FAM228B: variants seen among roughly 807,000 people sequenced by gnomAD.
FAM228B encodes protein FAM228B.
FAM228B carries 38 observed loss-of-function variants against 42.6 expected under a neutral mutation model. The observed-to-expected ratio is 0.89, with a 90% CI of 0.69 to 1.17. The LOEUF is 1.17. FAM228B is among the 50% of genes most tolerant of loss of function. The pLI is 0.00. For synonymous variants in FAM228B, 109 were observed against 122.3 expected (o/e 0.89, Z 0.72); for missense variants, 344 against 367.3 (o/e 0.94, Z 0.52).
At chr2:24,136,616 GCCT>G (rs1298025176) in intron 3 of FAM228B, among the ~76,000 whole-genome samples, 1 of 152,114 alleles carries the variant, frequency 6.6e-6, no homozygotes, top group Admixed American at 6.6e-5. Context: ...TCCTGCCTTG[GCCT>G]CCTGAAATGC....
At chr2:24,129,953 C>T (rs966349838) in intron 2 of FAM228B, among the ~76,000 whole-genome samples, 1 of 131,898 alleles carries the variant, frequency 7.6e-6, no homozygotes, top group South Asian at 2.8e-4. Context: ...TCCTAATGCT[C>T]ACCTCCCCTC....
intron 3 of FAM228B, among the ~76,000 whole-genome samples, chr2:24,106,474 T>C (rs6738676): frequency 0.12 from 18,026 of 151,646 alleles, 1,250 homozygotes; most frequent in South Asian, 0.18. Flanking sequence ...CACCCGCCAC[T>C]ATGACCAGCT....
At chr2:24,087,754 G>A (rs1665294517) in intron 2 of FAM228B, among the ~76,000 whole-genome samples, 1 of 151,324 alleles carries the variant, frequency 6.6e-6, no homozygotes. Flanking sequence ...GGGACTACAG[G>A]TGTGAGCCAC....
intron 2 of FAM228B, among the ~76,000 whole-genome samples, chr2:24,090,872 C>A (rs930145878): frequency 6.6e-6 from 1 of 152,110 alleles, no homozygotes; most frequent in African/African-American, 2.4e-5. Context: ...CTCACTGCAG[C>A]CTTGATATGG....
chr2:24,106,761 T>G (rs1182973931), intron 3 of FAM228B, among the ~76,000 whole-genome samples: 1 of 152,108 alleles, frequency 6.6e-6, no homozygotes, highest in Admixed American at 6.5e-5. Flanking sequence ...AGATCTGCCT[T>G]ATGAGCAGTC....
At chr2:24,121,172 A>G, upstream of FAM228B, 1 of 1,614,006 alleles carries the variant, frequency 6.2e-7, no homozygotes, top group Non-Finnish European at 8.5e-7. Context: ...CATTTTTGGC[A>G]TAAAGAGAAT....
chr2:24,082,716 A>G (rs1665058917), intron 2 of FAM228B, among the ~76,000 whole-genome samples: 1 of 152,182 alleles, frequency 6.6e-6, no homozygotes, highest in African/African-American at 2.4e-5. Context: ...TCTGCTAACC[A>G]TGATTCTCAG....
intron 2 of FAM228B, chr2:24,083,139 T>C: frequency 6.2e-7 from 1 of 1,611,068 alleles, no homozygotes; most frequent in South Asian, 1.1e-5. Flanking sequence ...AGGTGGGTCA[T>C]ACTGGCCTTG....
chr2:24,086,577 G>T (rs1289837423), intron 2 of FAM228B, among the ~76,000 whole-genome samples: 5 of 150,782 alleles, frequency 3.3e-5, no homozygotes, highest in Non-Finnish European at 7.4e-5. Context: ...TGTTGCCCAG[G>T]CTGGTCTCAA....
intron 3 of FAM228B, among the ~76,000 whole-genome samples, chr2:24,136,048 C>A (rs561863012): frequency 7.2e-4 from 89 of 124,258 alleles, no homozygotes; most frequent in African/African-American, 1.9e-3. Context: ...TCCTGGATAA[C>A]CCTTCTTTTT....
intron 2 of FAM228B, chr2:24,085,033 A>C (rs1009508549): frequency 6.6e-6 from 1 of 152,172 alleles, no homozygotes; most frequent in Admixed American, 6.5e-5. Flanking sequence ...TCTAGCTCTC[A>C]CTTCAAGGAG....
intron 3 of FAM228B, among the ~76,000 whole-genome samples, chr2:24,104,045 A>G (rs190205123): frequency 1.2e-3 from 181 of 152,330 alleles, no homozygotes; most frequent in African/African-American, 4.2e-3. Context: ...ACTGAGCTGC[A>G]GGCCGATCAT....
intron 7 of FAM228B, among the ~76,000 whole-genome samples, chr2:24,153,515 G>A (rs546946217): frequency 1.5e-3 from 221 of 152,314 alleles, no homozygotes; most frequent in Non-Finnish European, 2.7e-3. Context: ...AATGGGGACC[G>A]CAGGACCCTG....
At chr2:24,079,692 T>C (rs1664917301) in intron 1 of FAM228B, 1 of 1,548,050 alleles carries the variant, frequency 6.5e-7, no homozygotes, top group African/African-American at 1.4e-5. Flanking sequence ...CTAAATAAGA[T>C]ACCATGGTAT....
intron 3 of FAM228B, chr2:24,115,640 T>A (rs745507278): frequency 1.1e-5 from 17 of 1,607,486 alleles, no homozygotes; most frequent in Non-Finnish European, 1.4e-5. Flanking sequence ...TGGTTATTAT[T>A]TATGAGCTGC....
At chr2:24,078,533 G>C (rs1307241705) in intron 1 of FAM228B, among the ~76,000 whole-genome samples, 1 of 150,828 alleles carries the variant, frequency 6.6e-6, no homozygotes, top group African/African-American at 2.4e-5. Flanking sequence ...CAATCTGCTG[G>C]TATCAATTTG....
intron 5 of FAM228B, among the ~76,000 whole-genome samples, chr2:24,146,255 A>G (rs1293623788): frequency 6.6e-6 from 1 of 152,200 alleles, no homozygotes; most frequent in Middle Eastern, 3.2e-3. Context: ...TTTCATATGT[A>G]GAACTGTCAT....
At chr2:24,164,092 C>A in intron 8 of FAM228B, 106 bp from the exon 9 acceptor site, 4 of 1,050,676 alleles carry the variant, frequency 3.8e-6, no homozygotes, top group Non-Finnish European at 5.2e-6. Flanking sequence ...TAAAAATACA[C>A]AAATTCACAT....
At chr2:24,164,437 AAG>A (rs1324851075) in intron 9 of FAM228B, 102 bp downstream of exon 9, 2 of 1,285,672 alleles carry the variant, frequency 1.6e-6, no homozygotes, top group Admixed American at 2.5e-5. Flanking sequence ...GGCTTCCAGG[AAG>A]AGAGGAGGCA....
Sources: gnomAD v4.1 joint callset for allele counts (sites outside exome capture counted in the v4.1 genomes callset) on GRCh38, gnomAD v4.1.1 for gene constraint, MANE v1.5 for transcripts, NCBI Gene and HGNC (gene_info 2026-07-23, HGNC 2026-07-21) for gene names.